The following ANKRD27 variants were observed in gnomAD, a reference collection of about 807,000 sequenced individuals.
ANKRD27 encodes the protein ankyrin repeat domain-containing protein 27.
A neutral mutation model predicts 129.7 loss-of-function variants in ANKRD27; 112 were observed. The observed-to-expected ratio is 0.86, with a 90% CI of 0.74 to 1.01. The LOEUF (loss-of-function observed/expected upper bound fraction) is 1.01, where lower values mean the gene tolerates loss of function less well. Ranked by LOEUF, ANKRD27 falls within the 50% of genes least tolerant of loss-of-function variation. The pLI is 0.00. For missense variants in ANKRD27, 1,258 were observed against 1,300.5 expected (o/e 0.97, Z 0.50); for synonymous variants, 516 against 511.2 (o/e 1.01, Z -0.13).
intron 9 of ANKRD27, among the ~76,000 whole-genome samples, chr19:32,642,787 A>G (rs1306431750): frequency 6.6e-6 from 1 of 152,064 alleles, no homozygotes; most frequent in Non-Finnish European, 1.5e-5. Context: ...AGGTATCTCT[A>G]TGGCAAGGTT....
Position 32,602,096 on chromosome 19 carries a change from C to T in ANKRD27, c.2686G>A (p.Val896Ile). ...TCTAATGAAGCAACACAGCTTGGTA[C>T]CACCTGAAGCAATTCCATTATTTTT... ...NSKIMELLQV[V>I]PSCVASLDDV... Residue 896 changes from valine to isoleucine, a missense_variant, in exon 26 of 29, where the codon GTA (valine) becomes ATA (isoleucine). Transcript: ENST00000306065. 1 of 1,613,298 alleles carries T rather than the reference C, an allele frequency of 6.2e-7. No homozygotes were observed. The highest frequency in any genetic ancestry group is 1.1e-5 in the South Asian group (1 of 90,988).
chr19:32,605,437 T>G (rs1374364842), intron 24 of ANKRD27, among the ~76,000 whole-genome samples: 1 of 152,192 alleles, frequency 6.6e-6, no homozygotes, highest in Non-Finnish European at 1.5e-5. Context: ...GAGTTTCCCT[T>G]GAGTAGCACA....
intron 1 of ANKRD27, among the ~76,000 whole-genome samples, chr19:32,666,736 T>C (rs943043637): frequency 1.9e-4 from 28 of 148,526 alleles, no homozygotes; most frequent in African/African-American, 6.7e-4. Flanking sequence ...CCTCCACCCC[T>C]GTGATCAAGT....
chr19:32,615,109 G>A (rs751522774), intron 22 of ANKRD27, among the ~76,000 whole-genome samples: 21 of 152,164 alleles, frequency 1.4e-4, no homozygotes, highest in Non-Finnish European at 2.4e-4. Context: ...GGACTCAGGG[G>A]CCCAGATAGC....
At chr19:32,617,503 C>T (rs915955905) in intron 21 of ANKRD27, 86 bp downstream of exon 21, 23 of 637,046 alleles carry the variant, frequency 3.6e-5, no homozygotes, top group Non-Finnish European at 5.2e-5. Context: ...GCCATGATCA[C>T]GCCACTGCAC....
intron 26 of ANKRD27, among the ~76,000 whole-genome samples, chr19:32,601,139 A>G (rs975282017): frequency 4.0e-5 from 6 of 151,656 alleles, no homozygotes; most frequent in Non-Finnish European, 1.5e-5. Flanking sequence ...TCTCTACTAA[A>G]AATACAAAAA....
chr19:32,655,565 G>A (rs11666270), intron 2 of ANKRD27, among the ~76,000 whole-genome samples: 3,711 of 152,300 alleles, frequency 0.024, 78 homozygotes, highest in East Asian at 0.12. Flanking sequence ...GCTTGAGTGG[G>A]ATCCCATGAC....
At chr19:32,653,356 C>T (rs1226093147) in intron 2 of ANKRD27, among the ~76,000 whole-genome samples, 1 of 152,118 alleles carries the variant, frequency 6.6e-6, no homozygotes, top group Non-Finnish European at 1.5e-5. Flanking sequence ...AATAAAAGAA[C>T]CAAGTTCAAT....
chr19:32,617,190 C>T (rs35728696), intron 21 of ANKRD27, among the ~76,000 whole-genome samples: 81,029 of 151,956 alleles, frequency 0.53, 22,022 homozygotes, highest in Non-Finnish European at 0.57. Context: ...GAAACTGAAC[C>T]GGAGACAAGA....
At chr19:32,620,240 C>A (rs1158700738) in intron 18 of ANKRD27, among the ~76,000 whole-genome samples, 1 of 149,560 alleles carries the variant, frequency 6.7e-6, no homozygotes, top group Non-Finnish European at 1.5e-5. Flanking sequence ...CCCTGCCACA[C>A]ACACACAAAA....
At chr19:32,665,696 T>C (rs970443908) in intron 1 of ANKRD27, among the ~76,000 whole-genome samples, 2 of 151,966 alleles carry the variant, frequency 1.3e-5, no homozygotes, top group African/African-American at 4.8e-5. Flanking sequence ...CCTGACCTCG[T>C]GATCCGCCCG....
intron 26 of ANKRD27, among the ~76,000 whole-genome samples, chr19:32,600,438 G>C (rs748190216): frequency 6.6e-6 from 1 of 152,164 alleles, no homozygotes; most frequent in Non-Finnish European, 1.5e-5. Flanking sequence ...CTACTCAAGA[G>C]GCTGAGGCAG....
intron 1 of ANKRD27, among the ~76,000 whole-genome samples, chr19:32,662,778 C>A (rs911839771): frequency 6.6e-6 from 1 of 151,974 alleles, no homozygotes; most frequent in African/African-American, 2.4e-5. Context: ...CACGGTGGCT[C>A]ACGCCTCTAA....
At chr19:32,626,139 T>C (rs1382551737) in intron 16 of ANKRD27, among the ~76,000 whole-genome samples, 173 bp from the exon 17 acceptor site, 2 of 152,134 alleles carry the variant, frequency 1.3e-5, no homozygotes, top group African/African-American at 4.8e-5. Flanking sequence ...AAGAAAAAAG[T>C]CTAAAGCCCC....
At chr19:32,619,662 T>C in intron 18 of ANKRD27, 109 bp from the exon 19 acceptor site, 2 of 1,358,280 alleles carry the variant, frequency 1.5e-6, no homozygotes, top group Non-Finnish European at 2.1e-6. Flanking sequence ...GGAATGTCAG[T>C]GCAGTGAGCC....
chr19:32,622,823 G>A (rs1972034644), intron 17 of ANKRD27, among the ~76,000 whole-genome samples: 1 of 151,616 alleles, frequency 6.6e-6, no homozygotes, highest in Non-Finnish European at 1.5e-5. Flanking sequence ...TGTTATTCAG[G>A]TTGCAGTGCA....
At chr19:32,652,587 G>A (rs549720555) in intron 2 of ANKRD27, among the ~76,000 whole-genome samples, 2 of 152,016 alleles carry the variant, frequency 1.3e-5, no homozygotes, top group South Asian at 2.1e-4. Context: ...GGGGTAGGGT[G>A]TGGGGTTGGG....
In ANKRD27 at chr19:32,642,134, G is replaced by C; in HGVS notation, c.794C>G (p.Pro265Arg). 2 of 1,604,026 alleles carry C rather than the reference G, an allele frequency of 1.2e-6. No individual in the cohort carries two copies. Among genetic ancestry groups the C allele is most frequent in the East Asian group, 4.5e-5 (2 of 44,656 alleles). ...CTGAGCCAGCTCTCTTTTGGCACGA[G>C]GTATGTTAAAGCTGTAAAATAATTT... is the stretch of plus-strand genomic sequence containing the variant. ...GVKPEFSFNIPRAKRELAQLN... is the reference protein window; with the variant it reads ...GVKPEFSFNIRRAKRELAQLN... The change falls in exon 10 of 29, where the codon CCT becomes CGT. Residue 265 changes from proline to arginine, a missense_variant. Coordinates refer to ENST00000306065, the MANE Select transcript of ANKRD27 (RefSeq NM_032139.3).
intron 26 of ANKRD27, among the ~76,000 whole-genome samples, chr19:32,601,281 G>C (rs893366308): frequency 6.6e-6 from 1 of 151,454 alleles, no homozygotes; most frequent in Non-Finnish European, 1.5e-5. Context: ...CTGGGTGACA[G>C]AGTGAGACTC....
Sources: gnomAD v4.1 joint callset for allele counts (sites outside exome capture counted in the v4.1 genomes callset) on GRCh38, gnomAD v4.1.1 for gene constraint, MANE v1.5 for transcripts, NCBI Gene and HGNC (gene_info 2026-07-23, HGNC 2026-07-21) for gene names.